Variants in CAD observed in about 807,000 individuals in gnomAD.
CAD encodes the protein carbamoyl-phosphate synthetase 2, aspartate transcarbamylase, and dihydroorotase, also known as multifunctional protein CAD.
Under a neutral mutation model 237.2 loss-of-function variants are expected in CAD, and 81 were observed. The observed-to-expected ratio is 0.34, with a 90% CI of 0.29 to 0.41. CAD has a LOEUF of 0.41. Among genes scored for constraint, CAD ranks in the 10% least tolerant of loss-of-function variants. The pLI is 1.00. For synonymous variants in CAD, 1,196 were observed against 1,162.8 expected, an observed-to-expected ratio of 1.03 and a Z score of -0.58; for missense variants, 2,181 against 2,951.7, an observed-to-expected ratio of 0.74 and a Z score of 6.05.
At position 27,223,973 on chromosome 2, in the gene CAD, A is replaced by T. The variant is rs1675310796; in HGVS notation, c.1052A>T (p.Asp351Val). 6.2e-7 allele frequency: 1 copy of T among 1,614,052 alleles called. No homozygotes were observed. Among genetic ancestry groups the T allele is most frequent in the Non-Finnish European group, 8.5e-7 (1 of 1,179,976 alleles). Residue 351 changes from aspartate (D) to valine (V), a missense_variant, in exon 8 of 44, where the codon GAT becomes GTT. Physicochemically the swap from Asp to Val is radical, Grantham distance 152. Around this residue, in one of 12 missense-constraint regions of CAD, gnomAD observed 129 missense variants for 143.3 expected, o/e 0.90. Transcript: ENST00000264705. ...AGPSDMELLF[D>V]IFLETVKEAT... ...CCTTCAGATATGGAACTGCTTTTCGATATCTTTCTGGAAACTGTGAAAGAG... is the reference window on the plus strand; with the variant it reads ...CCTTCAGATATGGAACTGCTTTTCGTTATCTTTCTGGAAACTGTGAAAGAG...
rs544326296 is a variant in CAD, at chr2:27,226,763, A to G, written c.2157-69A>G. 79 of 1,604,712 alleles carry G rather than the reference A, an allele frequency of 4.9e-5. No homozygotes were observed. In the South Asian group the frequency reaches 8.4e-4, roughly 17 times the overall value. ...GGCCTGGATTTGTGGGAATGGAAAG[A>G]GCTATCCGGAAGCTCACCCTTTATG... On this transcript the variant is annotated intron_variant, in intron 14 of 43. Coordinates refer to ENST00000264705, the MANE Select transcript of CAD (RefSeq NM_004341.5).
At chr2:27,243,022 C>G in intron 42 of CAD, 49 bp downstream of exon 42, 1 of 1,476,536 alleles carries the variant, frequency 6.8e-7, no homozygotes, top group Non-Finnish European at 9.3e-7. Context: ...CGTAGGGCAT[C>G]AGATATGAGG....
intron 15 of CAD, among the ~76,000 whole-genome samples, chr2:27,227,262 A>G (rs1301807589): frequency 6.6e-6 from 1 of 152,108 alleles, no homozygotes; most frequent in Non-Finnish European, 1.5e-5. Context: ...TGATGTTTAC[A>G]TCAGAGCAGG....
chr2:27,238,911 TC>T (rs990435336), intron 31 of CAD, 130 bp from the exon 32 acceptor site: 7 of 923,298 alleles, frequency 7.6e-6, no homozygotes, highest in Non-Finnish European at 1.2e-5. Flanking sequence ...TGTTTCTAGT[TC>T]CCAGAAAAAA....
Position 27,236,913 on chromosome 2 carries a change from G to A in CAD, c.4396+83G>A. On this transcript the variant is annotated intron_variant, in intron 27 of 43. Coordinates refer to ENST00000264705, the MANE Select transcript of CAD (RefSeq NM_004341.5). The surrounding 1 kb of genome is among the most constrained non-coding windows in gnomAD (Gnocchi z 4.1). ...TGCAGTGTGGTGAAGGATGGCTGGGGGGCCCACTCTTTGTCCTGGACTGCA... is the reference window on the plus strand; with the variant it reads ...TGCAGTGTGGTGAAGGATGGCTGGGAGGCCCACTCTTTGTCCTGGACTGCA... 2 of 1,143,004 alleles carry A rather than the reference G, an allele frequency of 1.7e-6. No individual in the cohort carries two copies. The highest frequency in any genetic ancestry group is 2.3e-5 in the East Asian group (1 of 42,762). 70.8% of individuals were successfully genotyped at this position (1,143,004 alleles called of 1,614,324 possible). A position where few individuals can be genotyped will look rare whatever the true frequency, so the allele number is the denominator to read the frequency against.
In CAD at chr2:27,240,364, A is replaced by G. The variant is rs1445414305; in HGVS notation, c.5593+3A>G. ...AGCCTCCGACCCAGGTTTGCCAGGT[A>G]AGAGTGGGGTTCCTGTGACTCAGAG... On this transcript the variant is annotated splice_donor_region_variant and intron_variant, in intron 35 of 43. Transcript: ENST00000264705. The surrounding 1 kb of genome is among the most constrained non-coding windows in gnomAD (Gnocchi z 4.6). 2 of 1,613,762 alleles carry G rather than the reference A, an allele frequency of 1.2e-6. No individual in the cohort carries two copies. The highest frequency in any genetic ancestry group is 1.7e-6 in the Non-Finnish European group (2 of 1,179,676).
chr2:27,237,597 C>T lies in CAD; in HGVS notation c.4563+52C>T, dbSNP rs754558329. The T allele has an allele frequency of 5.0e-6, 8 of 1,587,810 alleles. No homozygotes were observed. Among genetic ancestry groups the T allele is most frequent in the South Asian group, 2.3e-5 (2 of 88,422 alleles). ...TGGAGACCCATATGCCCCTACCAGC[C>T]ACCCTTGCTTCCCTGAGCCCTTTTC... On this transcript the variant is annotated intron_variant, in intron 28 of 43. Transcript: ENST00000264705. This position sits in a 1 kb window ranked among gnomAD's most constrained non-coding sequence, Gnocchi z 4.0.
chr2:27,217,599 C>T lies in CAD; in HGVS notation c.48C>T (p.Pro16=). 8 of 1,608,778 alleles carry T rather than the reference C, an allele frequency of 5.0e-6. No individual in the cohort carries two copies. The highest frequency in any genetic ancestry group is 5.9e-6 in the Non-Finnish European group (7 of 1,178,030). ...LEDGSVLRGQ[P]FGAAVSTAGE... ...ACGGGTCGGTCCTGCGGGGCCAGCCCTTTGGGGCCGCCGTGTCGACTGCCG... is the reference window on the plus strand; with the variant it reads ...ACGGGTCGGTCCTGCGGGGCCAGCCTTTTGGGGCCGCCGTGTCGACTGCCG... Residue 16 remains proline, a synonymous_variant, in exon 1 of 44, where the codon CCC becomes CCT. Transcript: ENST00000264705.
rs750110109 is a variant in CAD, at chr2:27,243,238, G to A, written c.6521G>A (p.Arg2174Gln). ...QFILTPHIMT[R>Q]AKKKMVVMHP... ...ATCCTCACTCCCCACATCATGACCC[G>A]GGCCAAGAAGAAGATGGTGGTGATG... The change falls in exon 43 of 44, where the codon CGG becomes CAG. Residue 2174 changes from arginine (R) to glutamine (Q), a missense_variant. By Grantham distance (43) the Arg-to-Gln change is conservative (BLOSUM62 1). Around this residue, in one of 12 missense-constraint regions of CAD, gnomAD observed 170 missense variants for 212.1 expected, o/e 0.80. Coordinates refer to ENST00000264705, the MANE Select transcript of CAD (RefSeq NM_004341.5). 8 of 1,613,908 alleles carry A rather than the reference G, an allele frequency of 5.0e-6. No individual in the cohort carries two copies. The highest frequency in any genetic ancestry group is 1.6e-4 in the Middle Eastern group (1 of 6,062).
chr2:27,226,504 C>T (rs1558532191), intron 13 of CAD, 21 bp from the exon 14 acceptor site: 1 of 1,613,600 alleles, frequency 6.2e-7, no homozygotes, highest in Non-Finnish European at 8.5e-7. Flanking sequence ...AGGCCAGTGA[C>T]TTTATTCTCC....
Position 27,233,291 on chromosome 2 carries a change from GTTTC to G in CAD, c.2992-19_2992-16del. The G allele has an allele frequency of 1.2e-6, 2 of 1,605,114 alleles. No individual in the cohort carries two copies. The highest frequency in any genetic ancestry group is 2.2e-5 in the South Asian group (2 of 90,880). ...CTGCCCTCTTTTGCTGCCACCACTT[GTTTC>G]TCCCCCTGCAACGTAGGTGGTGATG... On this transcript the variant is annotated splice_polypyrimidine_tract_variant and intron_variant, in intron 19 of 43. Coordinates refer to ENST00000264705, the MANE Select transcript of CAD (RefSeq NM_004341.5). The surrounding 1 kb of genome is among the most constrained non-coding windows in gnomAD (Gnocchi z 6.3).
At chr2:27,221,560 A>C (rs923958850) in intron 3 of CAD, among the ~76,000 whole-genome samples, 2 of 152,178 alleles carry the variant, frequency 1.3e-5, no homozygotes, top group African/African-American at 4.8e-5. Context: ...TCATCAGCTT[A>C]GGGCTAATCT....
chr2:27,229,304 T>C (rs1289196998), intron 15 of CAD, among the ~76,000 whole-genome samples: 1 of 152,164 alleles, frequency 6.6e-6, no homozygotes, highest in Non-Finnish European at 1.5e-5. Context: ...AGTTTTATTC[T>C]GTCACCCAGG....
intron 9 of CAD, 86 bp downstream of exon 9, chr2:27,224,576 A>G (rs1437430413): frequency 6.4e-7 from 1 of 1,564,788 alleles, no homozygotes; most frequent in Non-Finnish European, 8.7e-7. Flanking sequence ...GGTTGCAGGG[A>G]GGAAATGAAC....
intron 31 of CAD, among the ~76,000 whole-genome samples, 200 bp downstream of exon 31, chr2:27,238,832 G>A (rs1676153843): frequency 6.6e-6 from 1 of 152,224 alleles, no homozygotes; most frequent in Non-Finnish European, 1.5e-5. Context: ...CCAGTGAGTA[G>A]AACTGCAAGT....
Position 27,241,908 on chromosome 2 carries a change from T to G in CAD, c.5884-3T>G. On this transcript the variant is annotated splice_polypyrimidine_tract_variant and splice_region_variant and intron_variant, in intron 38 of 43. Transcript: ENST00000264705. The surrounding 1 kb of genome is among the most constrained non-coding windows in gnomAD (Gnocchi z 4.6). The stretch of plus-strand genomic sequence containing the variant: ...TACACCTTCCATCTTGCTCTTTCCC[T>G]AGGGGAAGGTCATGGCCTCCATGTT... The G allele has an allele frequency of 6.2e-7, 1 of 1,610,942 alleles. No homozygotes were observed. The highest frequency in any genetic ancestry group is 8.5e-7 in the Non-Finnish European group (1 of 1,177,766).
Position 27,236,936 on chromosome 2 carries a change from G to T in CAD, c.4396+106G>T. ...GGGGGCCCACTCTTTGTCCTGGACT[G>T]CACAGACTGTGAAGACCCCAGAATG... On this transcript the variant is annotated intron_variant, in intron 27 of 43. Coordinates refer to ENST00000264705, the MANE Select transcript of CAD (RefSeq NM_004341.5). This position sits in a 1 kb window ranked among gnomAD's most constrained non-coding sequence, Gnocchi z 4.1. 3.3e-6 allele frequency: 3 copies of T among 899,420 alleles called. No individual in the cohort carries two copies. Among genetic ancestry groups the T allele is most frequent in the Non-Finnish European group, 5.6e-6 (3 of 533,656 alleles). The allele number at this position is 899,420 out of a possible 1,614,324, so 55.7% of individuals were successfully genotyped here.
rs1200776618 is a variant in CAD at position 27,226,283 on chromosome 2, C to T, written c.1995C>T (p.Cys665=). 1 of 1,614,172 alleles carries T rather than the reference C, an allele frequency of 6.2e-7. No homozygotes were observed. Among genetic ancestry groups the T allele is most frequent in the East Asian group, 2.2e-5 (1 of 44,880 alleles). Reference sequence around the variant, plus strand: ...AGCACCTGGGAATTGTTGGGGAGTGCAATGTGCAGTATGCCTTGAACCCTG... The same window carrying T: ...AGCACCTGGGAATTGTTGGGGAGTGTAATGTGCAGTATGCCTTGAACCCTG... ...VTQHLGIVGE[C]NVQYALNPES... is the part of the protein sequence containing the mutation. Residue 665 remains cysteine, a synonymous_variant, in exon 13 of 44, where the codon TGC becomes TGT. Coordinates refer to ENST00000264705, the MANE Select transcript of CAD (RefSeq NM_004341.5).
chr2:27,224,697 A>T (rs747632467), intron 9 of CAD, 48 bp from the exon 10 acceptor site: 1 of 1,613,398 alleles, frequency 6.2e-7, no homozygotes, highest in Admixed American at 1.7e-5. Flanking sequence ...GGCTGTTTGC[A>T]ATTTTGCTTC....
Sources: allele counts gnomAD v4.1 joint callset (sites outside exome capture counted in the v4.1 genomes callset), GRCh38; gene constraint gnomAD v4.1.1; regional missense constraint gnomAD v4.1.1; non-coding constraint Gnocchi (gnomAD v3.1); transcripts MANE v1.5; gene names NCBI Gene and HGNC (gene_info 2026-07-23, HGNC 2026-07-21).